UGT2B4: variants seen among roughly 807,000 people sequenced by gnomAD.
UGT2B4 encodes UDP-glucuronosyltransferase 2B4.
UGT2B4 carries 49 observed loss-of-function variants against 49.8 expected under a neutral mutation model. The ratio of observed to expected loss-of-function variants is 0.98; its 90% CI spans 0.78 to 1.25. UGT2B4 has a LOEUF of 1.25. Ranked by LOEUF, UGT2B4 falls within the 50% of genes most tolerant of loss-of-function variation. The pLI is 0.00. For synonymous variants in UGT2B4, 246 were observed against 217.7 expected, an observed-to-expected ratio of 1.13 and a Z score of -1.14; for missense variants, 729 against 627.7, an observed-to-expected ratio of 1.16 and a Z score of -1.73.
Position 69,495,742 on chromosome 4 carries a change from C to G in UGT2B4, c.120G>C (p.Lys40Asn), listed in dbSNP as rs41299974. Residue 40 changes from lysine (K) to asparagine (N), a missense_variant, in exon 1 of 6, where the codon AAG becomes AAC. Coordinates refer to ENST00000305107, the MANE Select transcript of UGT2B4 (RefSeq NM_021139.3). ...TCTGGACAAGTTCATCCAGGATTGTCTTTATATTCATCCAGTGGCTGAATT... is the reference window on the plus strand; with the variant it reads ...TCTGGACAAGTTCATCCAGGATTGTGTTTATATTCATCCAGTGGCTGAATT... ...PTEFSHWMNI[K>N]TILDELVQRG... 2.0e-3 allele frequency: 3,228 copies of G among 1,614,050 alleles called. 56 individuals carry two copies. In the African/African-American group the frequency reaches 0.039, roughly 19 times the overall value.
At chr4:69,523,268 T>A (rs1015469369) in intron 1 of UGT2B4, among the ~76,000 whole-genome samples, 31 of 152,156 alleles carry the variant, frequency 2.0e-4, no homozygotes, top group Admixed American at 7.2e-4. Flanking sequence ...CCCATATCAA[T>A]CACAGGAATT....
At chr4:69,514,243 C>T (rs1295367853) in intron 1 of UGT2B4, among the ~76,000 whole-genome samples, 1 of 152,110 alleles carries the variant, frequency 6.6e-6, no homozygotes, top group African/African-American at 2.4e-5. Flanking sequence ...TCCCCACTCC[C>T]ACAACCCACG....
At chr4:69,514,860 T>C (rs2109830321) in intron 1 of UGT2B4, among the ~76,000 whole-genome samples, 2 of 152,090 alleles carry the variant, frequency 1.3e-5, no homozygotes, top group Middle Eastern at 6.8e-3. Context: ...TAGAAACAAA[T>C]GGAAAATAGA....
chr4:69,493,809 T>C lies in UGT2B4; in HGVS notation c.754A>G (p.Lys252Glu), dbSNP rs763612580. 1 of 1,606,544 alleles carries C rather than the reference T, an allele frequency of 6.2e-7. No homozygotes were observed. The highest frequency in any genetic ancestry group is 8.5e-7 in the Non-Finnish European group (1 of 1,176,984). ...RPTTLSETMA[K>E]ADIWLIRNYW... ...TTTCGAATAAGCCATATGTCAGCTT[T>C]TGCCATTGTCTCAGATAACGTAGTG... Residue 252 changes from lysine (K) to glutamate (E), a missense_variant, in exon 2 of 6, where the codon AAA (lysine) becomes GAA (glutamate). Lys to Glu is a moderately conservative substitution (Grantham distance 56). Transcript: ENST00000305107.
chr4:69,500,532 G>A (rs1014928428), upstream of UGT2B4, among the ~76,000 whole-genome samples: 2 of 141,872 alleles, frequency 1.4e-5, no homozygotes, highest in African/African-American at 2.6e-5. Context: ...AAGAAAGAAA[G>A]AAGAAAGAAA....
intron 2 of UGT2B4, among the ~76,000 whole-genome samples, chr4:69,491,978 A>T (rs930760351): frequency 6.6e-6 from 1 of 152,104 alleles, no homozygotes; most frequent in Non-Finnish European, 1.5e-5. Context: ...ATAATGTAAT[A>T]AAAATGCTTA....
chr4:69,482,129 C>A (rs1451940913), intron 5 of UGT2B4, among the ~76,000 whole-genome samples: 1 of 152,108 alleles, frequency 6.6e-6, no homozygotes, highest in Non-Finnish European at 1.5e-5. Context: ...GTCCCCTCTA[C>A]CCACACTTGG....
At chr4:69,519,479 T>G (rs1227259785) in intron 1 of UGT2B4, among the ~76,000 whole-genome samples, 3 of 152,172 alleles carry the variant, frequency 2.0e-5, no homozygotes, top group African/African-American at 7.2e-5. Context: ...GTAGCATTCC[T>G]CCATCTACTC....
At chr4:69,500,649 GAAA>G (rs1456388430), upstream of UGT2B4, among the ~76,000 whole-genome samples, 3 of 134,696 alleles carry the variant, frequency 2.2e-5, no homozygotes, top group African/African-American at 7.6e-5. Flanking sequence ...AAGAAAGAAA[GAAA>G]GAAAGAAAGA....
chr4:69,480,337 T>A lies in UGT2B4; in HGVS notation c.*297A>T, dbSNP rs1188394282. On this transcript the variant is annotated 3_prime_UTR_variant, in exon 6 of 6. Transcript: ENST00000305107. ...GTGACATGTAGTTAAGCTTAGTAAA[T>A]TTTTTTTCATGTAACCTGTGAATTG... 2 of 283,666 alleles carry A rather than the reference T, an allele frequency of 7.1e-6. No individual in the cohort carries two copies. The highest frequency in any genetic ancestry group is 1.3e-5 in the Non-Finnish European group (2 of 151,354). 17.6% of individuals were successfully genotyped at this position (283,666 alleles called of 1,614,324 possible). A position where few individuals can be genotyped will look rare whatever the true frequency, so the allele number is the denominator to read the frequency against.
intron 4 of UGT2B4, among the ~76,000 whole-genome samples, chr4:69,485,693 G>A (rs1727761275): frequency 2.1e-5 from 1 of 47,128 alleles, no homozygotes; most frequent in African/African-American, 7.0e-5. Context: ...GAAACATCAT[G>A]TGCAGAAAAG....
At chr4:69,486,544 G>T in intron 4 of UGT2B4, 65 bp downstream of exon 4, 3 of 1,078,404 alleles carry the variant, frequency 2.8e-6, no homozygotes, top group Admixed American at 2.7e-5. Flanking sequence ...CTTGTTTCAT[G>T]ATAACTATTA....
intron 1 of UGT2B4, among the ~76,000 whole-genome samples, chr4:69,513,105 A>AT (rs1368416413): frequency 1.3e-5 from 2 of 152,064 alleles, no homozygotes; most frequent in Non-Finnish European, 2.9e-5. Context: ...CCATTTGCCA[A>AT]TTTTTGCTTT....
chr4:69,521,195 AC>A lies in UGT2B4; in HGVS notation c.-106+4491del. 2.0e-5 allele frequency among the ~76,000 whole-genome samples: 3 copies of A among 152,296 alleles called. 1 individual carries two copies. On this transcript the variant is annotated intron_variant, in intron 1 of 1. Coordinates refer to the UGT2B4 transcript ENST00000510114. ...GTACCTAATTCTTCCTGGACATGGG[AC>A]AAGAACTCAGGAACCACCTAATGGT...
intron 1 of UGT2B4, chr4:69,525,573 G>A (rs1242251158): frequency 9.1e-6 from 4 of 440,234 alleles, no homozygotes; most frequent in East Asian, 1.5e-4. Context: ...TCATTTTTTG[G>A]GCAACGTGAT....
At chr4:69,487,777 A>C (rs1727837526) in intron 3 of UGT2B4, among the ~76,000 whole-genome samples, 1 of 152,144 alleles carries the variant, frequency 6.6e-6, no homozygotes. Flanking sequence ...AAAAAGATAA[A>C]AAATTTTAAT....
intron 1 of UGT2B4, among the ~76,000 whole-genome samples, chr4:69,522,202 T>A (rs1469382371): frequency 4.6e-5 from 1 of 21,974 alleles, no homozygotes; most frequent in Non-Finnish European, 8.4e-5. Context: ...CTAGTGAGAA[T>A]AAGAAATTAG....
intron 1 of UGT2B4, among the ~76,000 whole-genome samples, chr4:69,521,053 T>C (rs181875749): frequency 5.3e-4 from 80 of 152,286 alleles, no homozygotes; most frequent in African/African-American, 1.8e-3. Context: ...AGTCAGACTC[T>C]AACAGACATT....
At chr4:69,486,548 A>T (rs1826690) in intron 4 of UGT2B4, 61 bp downstream of exon 4, 1 of 1,109,522 alleles carries the variant, frequency 9.0e-7, no homozygotes, top group Non-Finnish European at 1.3e-6. Flanking sequence ...TTTCATGATA[A>T]CTATTAACAC....
Sources: allele counts gnomAD v4.1 joint callset (sites outside exome capture counted in the v4.1 genomes callset), GRCh38; gene constraint gnomAD v4.1.1; transcripts MANE v1.5; gene names NCBI Gene and HGNC (gene_info 2026-07-23, HGNC 2026-07-21).